The following TRIM24 variants were observed in gnomAD, a reference collection of about 807,000 sequenced individuals.
TRIM24 encodes the protein tripartite motif containing 24.
Under a neutral mutation model 123.9 loss-of-function variants are expected in TRIM24, and 29 were observed. The ratio of observed to expected loss-of-function variants is 0.23; its 90% CI spans 0.17 to 0.32. The LOEUF is 0.32. TRIM24 is among the 10% of genes least tolerant of loss of function. TRIM24 has a pLI of 1.00. For missense variants in TRIM24, 932 were observed against 1,295.3 expected (o/e 0.72, Z 4.31); for synonymous variants, 456 against 461.1 (o/e 0.99, Z 0.14).
intron 1 of TRIM24, chr7:138,461,205 C>G (rs748579427): frequency 1.5e-5 from 10 of 667,928 alleles, no homozygotes; most frequent in Non-Finnish European, 2.3e-5. Context: ...CTTTTGCAGA[C>G]CTCTGTCGGA....
chr7:138,577,718 C>A, intron 14 of TRIM24, 130 bp downstream of exon 14: 1 of 764,978 alleles, frequency 1.3e-6, no homozygotes, highest in Non-Finnish European at 1.8e-6. Flanking sequence ...GAGGGAATCT[C>A]TCAGTAAATT....
At chr7:138,467,872 A>G (rs906191206) in intron 1 of TRIM24, among the ~76,000 whole-genome samples, 2 of 152,028 alleles carry the variant, frequency 1.3e-5, no homozygotes, top group Non-Finnish European at 2.9e-5. Flanking sequence ...TCATCCCATT[A>G]TCTTGCTAAA....
chr7:138,474,959 T>C (rs1795363910), intron 1 of TRIM24, among the ~76,000 whole-genome samples: 1 of 152,246 alleles, frequency 6.6e-6, no homozygotes, highest in African/African-American at 2.4e-5. Flanking sequence ...AAGTAGTATA[T>C]ACTTGTTATG....
chr7:138,525,560 G>A (rs569824873), intron 5 of TRIM24, among the ~76,000 whole-genome samples: 3 of 152,008 alleles, frequency 2.0e-5, no homozygotes, highest in Non-Finnish European at 4.4e-5. Context: ...ACTACACTTA[G>A]TATTTTAATA....
In TRIM24 at chr7:138,489,706, C is replaced by T. The variant is rs1009155170; in HGVS notation, c.365-14584C>T. Among the ~76,000 whole-genome samples the T allele has an allele frequency of 3.3e-5, 5 of 152,066 alleles. No homozygotes were observed. The South Asian group carries it at 6.2e-4, about 19-fold the overall frequency. On this transcript the variant is annotated intron_variant, in intron 1 of 18. Transcript: ENST00000343526. ...CTCTCTTGGCTTGTAGAGTTTCTGC[C>T]GAGAGATCCACTGTTAGTCTGATGG... is the stretch of plus-strand genomic sequence containing the variant.
At chr7:138,578,885 T>A (rs1461312511) in intron 14 of TRIM24, among the ~76,000 whole-genome samples, 5 of 152,086 alleles carry the variant, frequency 3.3e-5, no homozygotes, top group Admixed American at 6.5e-5. Context: ...AATTTTTGTA[T>A]CTTAGGTATA....
chr7:138,502,792 T>C (rs1181374713), intron 1 of TRIM24, among the ~76,000 whole-genome samples: 1 of 152,212 alleles, frequency 6.6e-6, no homozygotes, highest in Non-Finnish European at 1.5e-5. Flanking sequence ...AGATAGATCT[T>C]CCATCTTGAG....
intron 5 of TRIM24, among the ~76,000 whole-genome samples, chr7:138,528,782 CA>C (rs1482079426): frequency 0.015 from 501 of 34,460 alleles, no homozygotes; most frequent in African/African-American, 0.021. Flanking sequence ...GGTCCACCCC[CA>C]CCCCCCCCCC....
chr7:138,477,509 A>G (rs538668631), intron 1 of TRIM24, among the ~76,000 whole-genome samples: 53 of 152,356 alleles, frequency 3.5e-4, no homozygotes, highest in African/African-American at 1.3e-3. Context: ...TCCCCAGCAA[A>G]CAAAACAAAT....
Position 138,460,458 on chromosome 7 carries a change from T to A in TRIM24, c.-91T>A, listed in dbSNP as rs932183053. ...TGCCGCGAGTCCACCGAGCGGCCTC[T>A]GAGGAGCAGCCGCAGGAGGAGGAGG... On this transcript the variant is annotated 5_prime_UTR_variant, in exon 1 of 19. Coordinates refer to ENST00000343526, the MANE Select transcript of TRIM24 (RefSeq NM_015905.3). 4.1e-6 allele frequency: 5 copies of A among 1,227,566 alleles called. No individual in the cohort carries two copies. The African/African-American group carries it at 6.3e-5, about 15-fold the overall frequency. The allele number at this position is 1,227,566 out of a possible 1,614,324, so 76.0% of individuals were successfully genotyped here.
Position 138,526,170 on chromosome 7 carries a change from A to G in TRIM24, c.881+813A>G, listed in dbSNP as rs142852041. On this transcript the variant is annotated intron_variant, in intron 5 of 18. Transcript: ENST00000343526. The stretch of plus-strand genomic sequence containing the variant: ...TCACAGAGAATTTAAATGTTTTTCT[A>G]TGTATAAATTGTGTCAGACTTTAAG... Among the ~76,000 whole-genome samples, 19 of 152,336 alleles carry G rather than the reference A, an allele frequency of 1.2e-4. No individual in the cohort carries two copies. The East Asian group carries it at 1.4e-3, about 11-fold the overall frequency.
chr7:138,473,735 T>C (rs1456309601), intron 1 of TRIM24, among the ~76,000 whole-genome samples: 1 of 152,264 alleles, frequency 6.6e-6, no homozygotes, highest in African/African-American at 2.4e-5. Context: ...CATGGACTTA[T>C]GAAATATTTT....
intron 2 of TRIM24, among the ~76,000 whole-genome samples, chr7:138,512,164 G>A (rs1796302984): frequency 6.6e-6 from 1 of 152,100 alleles, no homozygotes; most frequent in South Asian, 2.1e-4. Flanking sequence ...CAAAGCCTTG[G>A]GCAGCTGTAC....
chr7:138,463,989 C>CTTTTTTTGTTTTTTTT (rs1795072781), intron 1 of TRIM24, among the ~76,000 whole-genome samples: 1 of 50,766 alleles, frequency 2.0e-5, no homozygotes, highest in African/African-American at 8.2e-5. Context: ...AAAATTTAGA[C>CTTTTTTTGTTTTTTTT]TTTTTTTTTT....
In TRIM24 at chr7:138,551,145, A is replaced by C; in HGVS notation, c.1226A>C (p.Asp409Ala). ...AACAACACCATCCAATTTCACTGTG[A>C]TCCTAGTTTCTGGGCTCAAAATATC... ...VTNNTIQFHC[D>A]PSFWAQNIIN... The change falls in exon 8 of 19, where the codon GAT (aspartate) becomes GCT (alanine). Residue 409 changes from aspartate (D) to alanine (A), a missense_variant. Coordinates refer to ENST00000343526, the MANE Select transcript of TRIM24 (RefSeq NM_015905.3). The C allele has an allele frequency of 1.2e-6, 2 of 1,613,830 alleles. No individual in the cohort carries two copies. The highest frequency in any genetic ancestry group is 1.7e-6 in the Non-Finnish European group (2 of 1,179,768).
intron 11 of TRIM24, 28 bp from the exon 12 acceptor site, chr7:138,573,479 G>T (rs1186273817): frequency 6.6e-7 from 1 of 1,511,076 alleles, no homozygotes. Flanking sequence ...AAATCAGAAT[G>T]CCCTGAAATA....
Position 138,551,143 on chromosome 7 carries a change from T to G in TRIM24, c.1224T>G (p.Cys408Trp). ...CCAACAACACCATCCAATTTCACTG[T>G]GATCCTAGTTTCTGGGCTCAAAATA... is the stretch of plus-strand genomic sequence containing the variant. ...PVTNNTIQFH[C>W]DPSFWAQNII... is the part of the protein sequence containing the mutation. The change falls in exon 8 of 19, where the codon TGT (cysteine) becomes TGG (tryptophan). Residue 408 changes from cysteine (C) to tryptophan (W), a missense_variant. Around this residue, in one of 7 missense-constraint regions of TRIM24, gnomAD observed 527 missense variants for 691.3 expected, o/e 0.76. Transcript: ENST00000343526. 1 of 1,613,900 alleles carries G rather than the reference T, an allele frequency of 6.2e-7. No homozygotes were observed. Among genetic ancestry groups the G allele is most frequent in the Non-Finnish European group, 8.5e-7 (1 of 1,179,788 alleles).
chr7:138,578,792 A>G (rs974953566), intron 14 of TRIM24, among the ~76,000 whole-genome samples: 1 of 152,192 alleles, frequency 6.6e-6, no homozygotes, highest in Non-Finnish European at 1.5e-5. Flanking sequence ...AATTTTTGAA[A>G]ACATTTGAAG....
At chr7:138,543,847 T>C (rs781303283) in intron 7 of TRIM24, among the ~76,000 whole-genome samples, 4 of 152,200 alleles carry the variant, frequency 2.6e-5, no homozygotes, top group Non-Finnish European at 4.4e-5. Flanking sequence ...TTTGTTGTTG[T>C]TGTTTGAAAC....
Sources: gnomAD v4.1 joint callset for allele counts (sites outside exome capture counted in the v4.1 genomes callset) on GRCh38, gnomAD v4.1.1 for gene constraint, gnomAD v4.1.1 regional missense constraint, MANE v1.5 for transcripts, NCBI Gene and HGNC (gene_info 2026-07-23, HGNC 2026-07-21) for gene names.